Variants in CPED1 observed in about 807,000 individuals in gnomAD.
The protein encoded by CPED1 is cadherin-like and PC-esterase domain-containing protein 1.
CPED1 carries 114 observed loss-of-function variants against 128.2 expected under a neutral mutation model. That is an observed-to-expected ratio of 0.89 (90% CI 0.76 to 1.04). CPED1 has a LOEUF of 1.04. Ranked by LOEUF, CPED1 falls within the 50% of genes least tolerant of loss-of-function variation. The probability of loss-of-function intolerance (pLI) is 0.00; values close to 1 mark genes in which losing one functional copy is unlikely to be tolerated. For synonymous variants in CPED1, 462 were observed against 426.7 expected, an observed-to-expected ratio of 1.08 and a Z score of -1.02; for missense variants, 1,211 against 1,207.1, an observed-to-expected ratio of 1.00 and a Z score of -0.05.
At chr7:121,159,220 T>C (rs1796357748) in intron 16 of CPED1, among the ~76,000 whole-genome samples, 1 of 152,154 alleles carries the variant, frequency 6.6e-6, no homozygotes, top group South Asian at 2.1e-4. Flanking sequence ...TTATTGGGTA[T>C]GTAAAAAAAA....
intron 5 of CPED1, among the ~76,000 whole-genome samples, chr7:121,085,035 A>G (rs1285654288): frequency 1.3e-5 from 2 of 150,932 alleles, no homozygotes; most frequent in African/African-American, 4.9e-5. Context: ...CTTCCTATGT[A>G]TTCATAAGTA....
chr7:121,174,493 CT>C lies in CPED1; in HGVS notation c.2055+32362del, dbSNP rs58307601. Among the ~76,000 whole-genome samples the C allele has an allele frequency of 1.6e-3, 236 of 146,958 alleles. 1 individual carries two copies. Among genetic ancestry groups the C allele is most frequent in the African/African-American group, 4.1e-3 (166 of 40,036 alleles). ...TGAATAGATAATCCTTTCCCCATTG[CT>C]TTTTTTTTTGTCAGCTTTGTGGAAT... On this transcript the variant is annotated intron_variant, in intron 16 of 22. Coordinates refer to ENST00000310396, the MANE Select transcript of CPED1 (RefSeq NM_024913.5).
intron 3 of CPED1, among the ~76,000 whole-genome samples, chr7:121,035,872 G>A (rs1300608864): frequency 2.0e-5 from 3 of 151,768 alleles, no homozygotes; most frequent in Admixed American, 6.6e-5. Context: ...ATAAAAAGGA[G>A]GAAGAGCGGG....
intron 18 of CPED1, among the ~76,000 whole-genome samples, chr7:121,252,511 A>C (rs1360393730): frequency 5.3e-5 from 8 of 151,886 alleles, no homozygotes; most frequent in Middle Eastern, 3.2e-3. Flanking sequence ...AAAAGAAACT[A>C]CCATCAGAGT....
chr7:121,081,562 A>G (rs1265794886), intron 5 of CPED1, among the ~76,000 whole-genome samples: 1 of 152,108 alleles, frequency 6.6e-6, no homozygotes, highest in Non-Finnish European at 1.5e-5. Flanking sequence ...CGTCACTTTC[A>G]TTAACATCAT....
At chr7:121,080,481 A>C (rs1794257113) in intron 5 of CPED1, among the ~76,000 whole-genome samples, 1 of 152,132 alleles carries the variant, frequency 6.6e-6, no homozygotes, top group African/African-American at 2.4e-5. Flanking sequence ...TTTTTTGCAG[A>C]AGTGGTCAAA....
intron 7 of CPED1, among the ~76,000 whole-genome samples, chr7:121,100,928 AT>A (rs918737299): frequency 2.0e-5 from 3 of 152,142 alleles, no homozygotes; most frequent in South Asian, 2.1e-4. Context: ...CTGCCATCTT[AT>A]TTTTTTATTT....
intron 16 of CPED1, among the ~76,000 whole-genome samples, chr7:121,194,022 C>CTCTATATA (rs1484413430): frequency 2.0e-4 from 15 of 74,742 alleles, no homozygotes; most frequent in East Asian, 7.6e-4. Context: ...CTCTCTCTCT[C>CTCTATATA]TATATATATA....
intron 16 of CPED1, among the ~76,000 whole-genome samples, chr7:121,213,561 G>C (rs771955971): frequency 3.9e-5 from 6 of 151,916 alleles, no homozygotes; most frequent in African/African-American, 1.5e-4. Context: ...GCGAATGCTT[G>C]TAGATCACAA....
At chr7:121,011,826 T>C (rs1792169045) in intron 2 of CPED1, among the ~76,000 whole-genome samples, 2 of 152,180 alleles carry the variant, frequency 1.3e-5, no homozygotes, top group Non-Finnish European at 2.9e-5. Context: ...ATTGCAAAAA[T>C]GCTTTTTAGG....
intron 16 of CPED1, among the ~76,000 whole-genome samples, chr7:121,198,499 C>G (rs1797318597): frequency 6.6e-6 from 1 of 152,112 alleles, no homozygotes; most frequent in Non-Finnish European, 1.5e-5. Context: ...GAAGCACCTG[C>G]AGTTTATTTG....
intron 4 of CPED1, among the ~76,000 whole-genome samples, chr7:121,054,687 A>G (rs1482178521): frequency 6.8e-6 from 1 of 148,072 alleles, no homozygotes; most frequent in Non-Finnish European, 1.5e-5. Context: ...TTTAATTTGC[A>G]TGTAGTAAAA....
intron 3 of CPED1, among the ~76,000 whole-genome samples, chr7:121,023,936 G>A (rs564581006): frequency 6.6e-6 from 1 of 152,086 alleles, no homozygotes; most frequent in South Asian, 2.1e-4. Flanking sequence ...TTTGACATAC[G>A]TTTTTCATTA....
At chr7:121,075,432 T>C (rs1342112578) in intron 5 of CPED1, among the ~76,000 whole-genome samples, 1 of 152,138 alleles carries the variant, frequency 6.6e-6, no homozygotes, top group Non-Finnish European at 1.5e-5. Flanking sequence ...CTCTCTACAG[T>C]GCCATGCATG....
intron 22 of CPED1, among the ~76,000 whole-genome samples, chr7:121,282,222 C>A (rs757123782): frequency 2.0e-5 from 3 of 152,108 alleles, no homozygotes; most frequent in Non-Finnish European, 2.9e-5. Context: ...ACATCTGAGG[C>A]CTTTTGTCTC....
Position 121,295,739 on chromosome 7 carries a change from A to G in CPED1, c.*87A>G. ...AGGAGCCAAGCGCTGCACATCGCAC[A>G]CATTTGGGATCGACCACACACACTT... On this transcript the variant is annotated 3_prime_UTR_variant, in exon 23 of 23. Coordinates refer to ENST00000310396, the MANE Select transcript of CPED1 (RefSeq NM_024913.5). The G allele has an allele frequency of 8.9e-7, 1 of 1,118,686 alleles. No individual in the cohort carries two copies. Among genetic ancestry groups the G allele is most frequent in the Non-Finnish European group, 1.3e-6 (1 of 748,454 alleles). The allele number at this position is 1,118,686 out of a possible 1,614,324, so 69.3% of individuals were successfully genotyped here.
At chr7:121,263,855 G>A (rs1023785829) in intron 18 of CPED1, among the ~76,000 whole-genome samples, 3 of 151,942 alleles carry the variant, frequency 2.0e-5, no homozygotes, top group Non-Finnish European at 1.5e-5. Context: ...AACCCACACT[G>A]GCAATTTAGT....
intron 16 of CPED1, among the ~76,000 whole-genome samples, chr7:121,165,962 C>G (rs1049794975): frequency 6.6e-6 from 1 of 152,078 alleles, no homozygotes; most frequent in Non-Finnish European, 1.5e-5. Flanking sequence ...TGAGGGTCAT[C>G]CAAGTTTTAG....
At chr7:121,190,823 A>G (rs1797119760) in intron 16 of CPED1, among the ~76,000 whole-genome samples, 1 of 152,176 alleles carries the variant, frequency 6.6e-6, no homozygotes, top group Admixed American at 6.6e-5. Flanking sequence ...GCTCTGGATT[A>G]TTCTACCACA....
Sources: gnomAD v4.1 joint callset for allele counts (sites outside exome capture counted in the v4.1 genomes callset) on GRCh38, gnomAD v4.1.1 for gene constraint, MANE v1.5 for transcripts, NCBI Gene and HGNC (gene_info 2026-07-23, HGNC 2026-07-21) for gene names.